The following TCF4 variants were observed in gnomAD, a reference collection of about 807,000 sequenced individuals.
TCF4 encodes SL3-3 enhancer factor 2.
A neutral mutation model predicts 82.1 loss-of-function variants in TCF4; 3 were observed. The ratio of observed to expected loss-of-function variants is 0.04; its 90% CI spans 0.02 to 0.09. The LOEUF (loss-of-function observed/expected upper bound fraction) is 0.09, where lower values mean the gene tolerates loss of function less well. TCF4 is among the 10% of genes least tolerant of loss of function. The pLI is 1.00. For missense variants in TCF4, 518 were observed against 852.7 expected, an observed-to-expected ratio of 0.61 and a Z score of 4.89; for synonymous variants, 276 against 309.6, an observed-to-expected ratio of 0.89 and a Z score of 1.14.
intron 3 of TCF4, among the ~76,000 whole-genome samples, chr18:55,476,186 T>A (rs1049250431): frequency 6.6e-6 from 1 of 151,198 alleles, no homozygotes; most frequent in African/African-American, 2.4e-5. Flanking sequence ...AAAAAAAAAA[T>A]TGGAAACATC....
At chr18:55,358,453 T>G (rs2084171861) in intron 6 of TCF4, among the ~76,000 whole-genome samples, 1 of 152,206 alleles carries the variant, frequency 6.6e-6, no homozygotes. Flanking sequence ...CAAGTCACAG[T>G]GTCTGCTAAG....
intron 6 of TCF4, among the ~76,000 whole-genome samples, chr18:55,386,920 G>A (rs1021533134): frequency 6.6e-6 from 1 of 152,210 alleles, no homozygotes. Context: ...AGAGCCAAAG[G>A]AGGCACTGGT....
intron 6 of TCF4, among the ~76,000 whole-genome samples, chr18:55,361,112 GA>G (rs1207713264): frequency 6.6e-6 from 1 of 152,088 alleles, no homozygotes; most frequent in Non-Finnish European, 1.5e-5. Context: ...GAGATTTATG[GA>G]TGCTATCTTC....
chr18:55,399,450 G>T (rs1286105820), intron 6 of TCF4, among the ~76,000 whole-genome samples: 1 of 152,146 alleles, frequency 6.6e-6, no homozygotes, highest in African/African-American at 2.4e-5. Flanking sequence ...ACTTGCTGAA[G>T]AAGAAAAAGA....
chr18:55,572,748 A>G (rs2097486176), intron 3 of TCF4, among the ~76,000 whole-genome samples: 1 of 152,172 alleles, frequency 6.6e-6, no homozygotes, highest in South Asian at 2.1e-4. Context: ...TCATAAGAAC[A>G]TAGGCTATAA....
At chr18:55,451,942 G>T (rs1425694213) in intron 5 of TCF4, among the ~76,000 whole-genome samples, 1 of 152,176 alleles carries the variant, frequency 6.6e-6, no homozygotes, top group African/African-American at 2.4e-5. Context: ...GGTGTTTGAA[G>T]ATGCAGTGAG....
chr18:55,390,559 CT>C (rs2093003844), intron 6 of TCF4, among the ~76,000 whole-genome samples: 2 of 152,064 alleles, frequency 1.3e-5, no homozygotes, highest in African/African-American at 4.8e-5. Flanking sequence ...ATTTCTAGAG[CT>C]ATATGTGTAA....
At chr18:55,527,169 C>T (rs940815712) in intron 3 of TCF4, among the ~76,000 whole-genome samples, 1 of 152,298 alleles carries the variant, frequency 6.6e-6, no homozygotes, top group Admixed American at 6.5e-5. Context: ...CACAAAGGTC[C>T]CCTCACTCTA....
intron 6 of TCF4, among the ~76,000 whole-genome samples, chr18:55,385,616 G>T (rs1250927228): frequency 6.6e-6 from 1 of 152,162 alleles, no homozygotes; most frequent in Non-Finnish European, 1.5e-5. Context: ...GGCCAGGCCG[G>T]TCTCGAACTC....
chr18:55,435,205 T>C (rs539065608), intron 5 of TCF4, among the ~76,000 whole-genome samples: 3 of 152,226 alleles, frequency 2.0e-5, no homozygotes, highest in Non-Finnish European at 4.4e-5. Flanking sequence ...TGATGCAATG[T>C]GAGTGAGCAA....
At chr18:55,256,804 T>C (rs954358723) in intron 14 of TCF4, among the ~76,000 whole-genome samples, 1 of 152,126 alleles carries the variant, frequency 6.6e-6, no homozygotes, top group Non-Finnish European at 1.5e-5. Flanking sequence ...CATGTGAGTA[T>C]TTATAATAAT....
Position 55,401,830 on chromosome 18 carries a change from GA to G in TCF4, c.369+1623del, listed in dbSNP as rs2093837867. 5 of 972,624 alleles carry G rather than the reference GA, an allele frequency of 5.1e-6. No homozygotes were observed. In the African/African-American group the frequency reaches 5.3e-5, roughly 10 times the overall value. 60.2% of individuals were successfully genotyped at this position (972,624 alleles called of 1,614,324 possible). On this transcript the variant is annotated intron_variant, in intron 6 of 19. Coordinates refer to ENST00000354452, the MANE Select transcript of TCF4 (RefSeq NM_001083962.2). Reference sequence around the variant, plus strand: ...AGGAAGCCTATTCTCTCAATGACCAGAAAAAGGGGCCCAGCGAAAACAGAGA... The same window carrying G: ...AGGAAGCCTATTCTCTCAATGACCAGAAAAGGGGCCCAGCGAAAACAGAGA...
At chr18:55,544,520 C>T (rs1318597053) in intron 3 of TCF4, among the ~76,000 whole-genome samples, 1 of 152,128 alleles carries the variant, frequency 6.6e-6, no homozygotes, top group Non-Finnish European at 1.5e-5. Flanking sequence ...AATAAAACCC[C>T]AAGATTCTAT....
At chr18:55,487,517 A>G (rs2096530136) in intron 3 of TCF4, among the ~76,000 whole-genome samples, 1 of 152,216 alleles carries the variant, frequency 6.6e-6, no homozygotes, top group Admixed American at 6.5e-5. Context: ...CTTTGTCACA[A>G]AAAGAAAACA....
At chr18:55,603,989 C>T (rs1286736314) in intron 2 of TCF4, among the ~76,000 whole-genome samples, 1 of 152,142 alleles carries the variant, frequency 6.6e-6, no homozygotes, top group Non-Finnish European at 1.5e-5. Context: ...TTTGGAGCTC[C>T]CTACTTGACC....
intron 2 of TCF4, among the ~76,000 whole-genome samples, chr18:55,621,207 G>A (rs2097717647): frequency 6.6e-6 from 1 of 150,740 alleles, no homozygotes; most frequent in African/African-American, 2.4e-5. Flanking sequence ...TAGAAAATGG[G>A]GATAATTATA....
intron 3 of TCF4, among the ~76,000 whole-genome samples, chr18:55,509,394 C>T (rs766439913): frequency 6.7e-4 from 102 of 152,158 alleles, no homozygotes; most frequent in South Asian, 3.5e-3. Flanking sequence ...AGTTAAGATG[C>T]TGGTAGTATC....
intron 3 of TCF4, among the ~76,000 whole-genome samples, chr18:55,481,894 T>C (rs2096441256): frequency 1.3e-5 from 2 of 152,248 alleles, no homozygotes; most frequent in South Asian, 4.1e-4. Flanking sequence ...CTCACCAAGG[T>C]AGTCTATTCC....
At chr18:55,246,714 T>TC (rs1365637613) in intron 15 of TCF4, among the ~76,000 whole-genome samples, 2 of 152,168 alleles carry the variant, frequency 1.3e-5, no homozygotes, top group Non-Finnish European at 2.9e-5. Context: ...TTCTGTCCTT[T>TC]TTTTTTTCAG....
Sources: allele counts gnomAD v4.1 joint callset (sites outside exome capture counted in the v4.1 genomes callset), GRCh38; gene constraint gnomAD v4.1.1; transcripts MANE v1.5; gene names NCBI Gene and HGNC (gene_info 2026-07-23, HGNC 2026-07-21).